Variants in LRRC4C observed in about 807,000 individuals in gnomAD.
The protein encoded by LRRC4C is leucine-rich repeat-containing protein 4C.
LRRC4C carries 5 observed loss-of-function variants against 33.6 expected under a neutral mutation model. The ratio of observed to expected loss-of-function variants is 0.15; its 90% CI spans 0.08 to 0.31. LRRC4C has a LOEUF of 0.31. Ranked by LOEUF, LRRC4C falls within the 10% of genes least tolerant of loss-of-function variation. LRRC4C has a pLI of 1.00. For missense variants in LRRC4C, 560 were observed against 796.7 expected (o/e 0.70, Z 3.58); for synonymous variants, 329 against 302.0 (o/e 1.09, Z -0.93).
At chr11:40,226,911 T>C (rs1342030542) in intron 5 of LRRC4C, among the ~76,000 whole-genome samples, 1 of 152,242 alleles carries the variant, frequency 6.6e-6, no homozygotes, top group Non-Finnish European at 1.5e-5. Context: ...TTGGCAGTTC[T>C]CTGATTTTAC....
At chr11:41,176,279 A>G (rs1945194376) in intron 1 of LRRC4C, among the ~76,000 whole-genome samples, 1 of 152,216 alleles carries the variant, frequency 6.6e-6, no homozygotes, top group Admixed American at 6.5e-5. Flanking sequence ...CATTGGGAAT[A>G]CCCGAACCCA....
At chr11:40,440,299 CTTTTTTTT>C (rs66998647) in intron 3 of LRRC4C, among the ~76,000 whole-genome samples, 9 of 131,874 alleles carry the variant, frequency 6.8e-5, no homozygotes, top group African/African-American at 2.0e-4. Flanking sequence ...TGGTCTCTTT[CTTTTTTTT>C]TTTTTTTTTT....
intron 1 of LRRC4C, among the ~76,000 whole-genome samples, chr11:41,439,127 G>T (rs1183094655): frequency 6.6e-6 from 1 of 151,964 alleles, no homozygotes; most frequent in Non-Finnish European, 1.5e-5. Flanking sequence ...CCATTGTTTA[G>T]CTCCCCCTTG....
chr11:40,374,857 A>G (rs1948595611), intron 3 of LRRC4C, among the ~76,000 whole-genome samples: 1 of 152,190 alleles, frequency 6.6e-6, no homozygotes, highest in Admixed American at 6.5e-5. Flanking sequence ...AAAACCCCAA[A>G]TACTTTGGGA....
chr11:40,152,753 C>T (rs943411496), intron 5 of LRRC4C, among the ~76,000 whole-genome samples: 5 of 152,118 alleles, frequency 3.3e-5, no homozygotes, highest in Admixed American at 6.5e-5. Context: ...ACCTGGGAAT[C>T]TCACCCCCAT....
intron 2 of LRRC4C, among the ~76,000 whole-genome samples, chr11:40,801,643 C>A (rs1269523896): frequency 6.6e-6 from 1 of 152,018 alleles, no homozygotes; most frequent in East Asian, 1.9e-4. Context: ...ATGTTTATAT[C>A]TAATAATTTT....
chr11:41,066,720 C>T (rs895104921), intron 1 of LRRC4C, among the ~76,000 whole-genome samples: 2 of 152,174 alleles, frequency 1.3e-5, no homozygotes, highest in Non-Finnish European at 2.9e-5. Context: ...GATTTCTCAG[C>T]AGAAACCCTA....
intron 1 of LRRC4C, among the ~76,000 whole-genome samples, chr11:41,328,487 C>T (rs556590801): frequency 1.4e-4 from 22 of 152,004 alleles, no homozygotes; most frequent in African/African-American, 5.3e-4. Context: ...ATACTCCAGA[C>T]AAAGCCACCA....
intron 1 of LRRC4C, among the ~76,000 whole-genome samples, chr11:41,458,873 C>T (rs1956249966): frequency 1.3e-5 from 2 of 151,908 alleles, no homozygotes. Context: ...CTCATTTGCT[C>T]CAATTAAGAG....
At position 40,637,288 on chromosome 11, in the gene LRRC4C, G is replaced by C. The variant is rs147248300; in HGVS notation, c.-270+10854C>G. On this transcript the variant is annotated intron_variant, in intron 3 of 6. Transcript: ENST00000528697. ...TGTATGTGAAATAATTTGCCTACAG[G>C]CTTCAACGTCCACCAATTCTATGGC... Among the ~76,000 whole-genome samples, 814 of 152,112 alleles carry C rather than the reference G, an allele frequency of 5.4e-3. 3 individuals carry two copies. The highest frequency in any genetic ancestry group is 0.018 in the African/African-American group (764 of 41,480).
intron 1 of LRRC4C, among the ~76,000 whole-genome samples, chr11:41,367,989 T>C (rs1952607618): frequency 1.3e-5 from 2 of 152,206 alleles, no homozygotes; most frequent in Non-Finnish European, 1.5e-5. Context: ...CCTTAGATTG[T>C]AGCCAAAATG....
intron 3 of LRRC4C, among the ~76,000 whole-genome samples, chr11:40,391,930 T>G (rs1481762114): frequency 6.6e-6 from 1 of 152,184 alleles, no homozygotes; most frequent in African/African-American, 2.4e-5. Context: ...AAACAGATTG[T>G]GGTACATTCA....
intron 1 of LRRC4C, among the ~76,000 whole-genome samples, chr11:41,067,216 G>A (rs1938314786): frequency 6.6e-6 from 1 of 152,170 alleles, no homozygotes; most frequent in African/African-American, 2.4e-5. Context: ...TAAAGGGATG[G>A]AGGAAAATTT....
At chr11:41,384,113 T>C (rs575315225) in intron 1 of LRRC4C, among the ~76,000 whole-genome samples, 2 of 151,982 alleles carry the variant, frequency 1.3e-5, no homozygotes, top group Non-Finnish European at 2.9e-5. Context: ...AGCTGTAATA[T>C]GGACACCAGA....
At chr11:41,026,581 T>C (rs1856379271) in intron 1 of LRRC4C, among the ~76,000 whole-genome samples, 1 of 149,594 alleles carries the variant, frequency 6.7e-6, no homozygotes, top group African/African-American at 2.5e-5. Context: ...TCAAACAGCA[T>C]CACATGCCAC....
chr11:40,394,096 T>C (rs574955376), intron 3 of LRRC4C, among the ~76,000 whole-genome samples: 38 of 151,806 alleles, frequency 2.5e-4, no homozygotes, highest in African/African-American at 8.2e-4. Flanking sequence ...AATGGGTACA[T>C]AGTCTTGTTT....
intron 3 of LRRC4C, among the ~76,000 whole-genome samples, chr11:40,418,125 T>C (rs976151879): frequency 6.6e-6 from 1 of 152,064 alleles, no homozygotes; most frequent in African/African-American, 2.4e-5. Flanking sequence ...AAATATGTGA[T>C]CAAGAAAGGT....
chr11:40,891,871 C>A (rs183431143), intron 2 of LRRC4C, among the ~76,000 whole-genome samples: 4 of 151,944 alleles, frequency 2.6e-5, no homozygotes, highest in African/African-American at 9.7e-5. Context: ...CGTGGTGGCT[C>A]ACACCTATAA....
At chr11:40,200,752 C>T (rs545246263) in intron 5 of LRRC4C, among the ~76,000 whole-genome samples, 8 of 112,896 alleles carry the variant, frequency 7.1e-5, no homozygotes, top group African/African-American at 2.9e-4. Flanking sequence ...GGTTTCAGAG[C>T]GAGACTCCAT....
Sources: gnomAD v4.1 joint callset for allele counts (sites outside exome capture counted in the v4.1 genomes callset) on GRCh38, gnomAD v4.1.1 for gene constraint, MANE v1.5 for transcripts, NCBI Gene and HGNC (gene_info 2026-07-23, HGNC 2026-07-21) for gene names.